Variants in GRK7 observed in about 807,000 individuals in gnomAD.
The protein encoded by GRK7 is rhodopsin kinase GRK7.
GRK7 carries 24 observed loss-of-function variants against 34.1 expected under a neutral mutation model. The observed-to-expected ratio is 0.70, with a 90% CI of 0.51 to 0.99. GRK7 has a LOEUF of 0.99. Ranked by LOEUF, GRK7 falls within the 50% of genes least tolerant of loss-of-function variation. The pLI is 0.00. For synonymous variants in GRK7, 256 were observed against 279.4 expected (o/e 0.92, Z 0.84); for missense variants, 644 against 707.3 (o/e 0.91, Z 1.02).
At chr3:141,806,523 C>G in intron 4 of GRK7, among the ~76,000 whole-genome samples, 1 of 151,772 alleles carries the variant, frequency 6.6e-6, no homozygotes, top group East Asian at 1.9e-4. Context: ...AGATCAGGAC[C>G]CTGCATTCCA....
In GRK7 at chr3:141,771,561, G is replaced by A. The variant is rs374435079; in HGVS notation, c.-214-3019G>A. The stretch of plus-strand genomic sequence containing the variant: ...ATGGGAGGGTAAGAAGGTGGGAGCA[G>A]GGGTAAGGGATAACAAATTACTTAA... On this transcript the variant is annotated intron_variant, in intron 1 of 5. Coordinates refer to ENST00000682958, the MANE Select transcript of GRK7 (RefSeq NM_139209.3). Among the ~76,000 whole-genome samples, 51 of 152,118 alleles carry A rather than the reference G, an allele frequency of 3.4e-4. 1 individual carries two copies. The South Asian group carries it at 0.01, about 31-fold the overall frequency.
intron 1 of GRK7, among the ~76,000 whole-genome samples, chr3:141,766,364 C>T (rs1270593688): frequency 1.3e-5 from 2 of 152,060 alleles, no homozygotes; most frequent in African/African-American, 2.4e-5. Context: ...AGGGTTTCAC[C>T]GTGTTAGCCA....
chr3:141,780,892 A>T (rs1184882083), intron 4 of GRK7, 81 bp downstream of exon 4: 8 of 1,262,432 alleles, frequency 6.3e-6, no homozygotes, highest in Non-Finnish European at 8.8e-6. Context: ...CCCAGGGCAA[A>T]TAGAGCCTTG....
chr3:141,811,996 G>T (rs755623750), intron 5 of GRK7, among the ~76,000 whole-genome samples: 1 of 152,180 alleles, frequency 6.6e-6, no homozygotes, highest in African/African-American at 2.4e-5. Context: ...GTTTTTGCAG[G>T]TTTTATTCTG....
chr3:141,776,629 C>T (rs1299167919), intron 2 of GRK7, among the ~76,000 whole-genome samples: 1 of 152,176 alleles, frequency 6.6e-6, no homozygotes, highest in East Asian at 1.9e-4. Flanking sequence ...AAAGGGCACC[C>T]ACGAGTTCAT....
intron 4 of GRK7, among the ~76,000 whole-genome samples, chr3:141,797,362 C>T (rs1269229536): frequency 6.6e-6 from 1 of 152,118 alleles, no homozygotes; most frequent in Non-Finnish European, 1.5e-5. Flanking sequence ...GGCGGAGCCT[C>T]GAGCTAAGTC....
chr3:141,778,174 C>A lies in GRK7; in HGVS notation c.-111C>A. On this transcript the variant is annotated splice_region_variant and 5_prime_UTR_variant, in exon 3 of 6. Coordinates refer to ENST00000682958, the MANE Select transcript of GRK7 (RefSeq NM_139209.3). The surrounding 1 kb of genome is among the most constrained non-coding windows in gnomAD (Gnocchi z 4.1). Reference sequence around the variant, plus strand: ...CCCTCCACGGGTCCCACCCACAGGCCACAGGACTCACTGTAAATCCCTTGG... The same window carrying A: ...CCCTCCACGGGTCCCACCCACAGGCAACAGGACTCACTGTAAATCCCTTGG... The A allele has an allele frequency of 7.3e-7, 1 of 1,371,812 alleles. No individual in the cohort carries two copies. Among genetic ancestry groups the A allele is most frequent in the South Asian group, 1.4e-5 (1 of 70,184 alleles). 85.0% of individuals were successfully genotyped at this position (1,371,812 alleles called of 1,614,324 possible). A position where few individuals can be genotyped will look rare whatever the true frequency, so the allele number is the denominator to read the frequency against.
chr3:141,760,075 C>CT (rs1470871820), upstream of GRK7, among the ~76,000 whole-genome samples: 14 of 149,570 alleles, frequency 9.4e-5, no homozygotes. Context: ...TGCTAGCGGT[C>CT]TATCAATTTT....
At position 141,778,633 on chromosome 3, in the gene GRK7, C is replaced by T; in HGVS notation, c.349C>T (p.Pro117Ser). 6.2e-7 allele frequency: 1 copy of T among 1,612,744 alleles called. No homozygotes were observed. Among genetic ancestry groups the T allele is most frequent in the Non-Finnish European group, 8.5e-7 (1 of 1,179,532 alleles). ...GCTGGTGGCCACTTGTGCGAGTGCC[C>T]CTGCCCCGGGGAACCCGCAACCCTT... ...QGLVATCASA[P>S]APGNPQPFLS... Residue 117 changes from proline to serine, a missense_variant, in exon 3 of 6, where the codon CCT becomes TCT. Physicochemically the swap from Pro to Ser is moderately conservative, Grantham distance 74. Coordinates refer to ENST00000682958, the MANE Select transcript of GRK7 (RefSeq NM_139209.3). This position sits in a 1 kb window ranked among gnomAD's most constrained non-coding sequence, Gnocchi z 4.1.
intron 5 of GRK7, among the ~76,000 whole-genome samples, chr3:141,808,902 G>T (rs1414738309): frequency 6.6e-6 from 1 of 151,990 alleles, no homozygotes; most frequent in Non-Finnish European, 1.5e-5. Flanking sequence ...ATTAAAACAG[G>T]CTGGGCACAG....
intron 5 of GRK7, among the ~76,000 whole-genome samples, chr3:141,812,773 T>TG (rs1406705001): frequency 3.9e-5 from 6 of 152,206 alleles, no homozygotes; most frequent in Admixed American, 6.6e-5. Context: ...AAGACTGGTC[T>TG]GGCAAGTCTC....
chr3:141,771,470 G>A (rs2084616586), intron 1 of GRK7, among the ~76,000 whole-genome samples: 1 of 133,372 alleles, frequency 7.5e-6, no homozygotes, highest in African/African-American at 3.0e-5. Flanking sequence ...TAAGAAGGTG[G>A]GAGCAGGGGT....
At chr3:141,754,586 G>A in the GRK7 span, among the ~76,000 whole-genome samples, 3 of 152,030 alleles carry the variant, frequency 2.0e-5, no homozygotes, top group Non-Finnish European at 2.9e-5. Flanking sequence ...GATTACAGGT[G>A]CATGCCTCCC....
At chr3:141,767,148 T>G (rs1036401284) in intron 1 of GRK7, among the ~76,000 whole-genome samples, 10 of 152,226 alleles carry the variant, frequency 6.6e-5, no homozygotes, top group African/African-American at 2.4e-4. Flanking sequence ...GCATACAGAT[T>G]CTTTCACCCC....
chr3:141,808,412 T>G (rs578115873), intron 5 of GRK7, among the ~76,000 whole-genome samples: 1 of 152,230 alleles, frequency 6.6e-6, no homozygotes, highest in Non-Finnish European at 1.5e-5. Context: ...GTAGTCGAAT[T>G]CATAGAGACA....
At chr3:141,804,723 A>C (rs966478620) in intron 4 of GRK7, among the ~76,000 whole-genome samples, 15 of 151,758 alleles carry the variant, frequency 9.9e-5, no homozygotes. Context: ...ATTCACACAT[A>C]CACTCACCCT....
chr3:141,796,655 G>T (rs1710882150), intron 4 of GRK7, among the ~76,000 whole-genome samples: 1 of 152,164 alleles, frequency 6.6e-6, no homozygotes. Context: ...ACAGCTGTGT[G>T]GGGTTTCATT....
At chr3:141,767,252 G>C (rs1680688083) in intron 1 of GRK7, among the ~76,000 whole-genome samples, 1 of 152,092 alleles carries the variant, frequency 6.6e-6, no homozygotes, top group Admixed American at 6.6e-5. Flanking sequence ...GGAAGGTCAG[G>C]CTTCCTGTTG....
At chr3:141,766,668 G>A (rs766309048) in intron 1 of GRK7, among the ~76,000 whole-genome samples, 3 of 152,012 alleles carry the variant, frequency 2.0e-5, no homozygotes, top group African/African-American at 2.4e-5. Context: ...TATTATAACC[G>A]TAACACTTTT....
Sources: gnomAD v4.1 joint callset for allele counts (sites outside exome capture counted in the v4.1 genomes callset) on GRCh38, gnomAD v4.1.1 for gene constraint, Gnocchi (gnomAD v3.1) non-coding constraint, MANE v1.5 for transcripts, NCBI Gene and HGNC (gene_info 2026-07-23, HGNC 2026-07-21) for gene names.